The following L1CAM variants were observed in gnomAD, a reference collection of about 807,000 sequenced individuals.
L1CAM encodes neural cell adhesion molecule L1.
Under a neutral mutation model 93.0 loss-of-function variants are expected in L1CAM, and 8 were observed. The observed-to-expected ratio is 0.09, with a 90% CI of 0.05 to 0.16. The LOEUF (loss-of-function observed/expected upper bound fraction) is 0.16, where lower values mean the gene tolerates loss of function less well. Among genes scored for constraint, L1CAM ranks in the 10% least tolerant of loss-of-function variants. The pLI is 1.00. For synonymous variants in L1CAM, 453 were observed against 453.0 expected, an observed-to-expected ratio of 1.00 and a Z score of 0.00; for missense variants, 777 against 1,073.4, an observed-to-expected ratio of 0.72 and a Z score of 3.86.
intron 7 of L1CAM, 73 bp from the exon 8 acceptor site, chrX:153,870,572 G>C: frequency 5.4e-6 from 5 of 930,091 alleles, no homozygotes; most frequent in Non-Finnish European, 7.7e-6. Context: ...TGAGGGACTC[G>C]ACACTCCAGC....
In L1CAM at chrX:153,867,500, G is replaced by C. The variant is rs199592861; in HGVS notation, c.1993C>G (p.Leu665Val). 2.9e-4 allele frequency: 349 copies of C among 1,209,773 alleles called. No homozygotes were observed. The highest frequency in any genetic ancestry group is 4.6e-4 in the South Asian group (26 of 56,867). ...KEMAPEKWYS[L>V]GKVPGNQTST... is the part of the protein sequence containing the mutation. ...GTCTGGTTCCCTGGAACCTTGCCCA[G>C]ACTGTACCATTTTTCAGGCGCCATT... is the stretch of plus-strand genomic sequence containing the variant. The change falls in exon 17 of 29, where the codon CTG (leucine) becomes GTG (valine). Residue 665 changes from leucine to valine, a missense_variant. Physicochemically the swap from Leu to Val is conservative, Grantham distance 32. Transcript: ENST00000370060.
chrX:153,876,109 C>T (rs1557094534), intron 1 of L1CAM, 165 bp from the exon 2 acceptor site: 1 of 442,631 alleles, frequency 2.3e-6, no homozygotes, highest in Non-Finnish European at 3.9e-6. Context: ...CGCACCCCTC[C>T]CCACCTTGGA....
In L1CAM at chrX:153,868,927, C is replaced by A; in HGVS notation, c.1293G>T (p.Ala431=). Residue 431 remains alanine (A), a synonymous_variant, in exon 12 of 29, where the codon GCG becomes GCT. Transcript: ENST00000370060. ...VVQLPAKILT[A]DNQTYMAVQG... ...GGACAGCCATGTACGTCTGATTGTC[C>A]GCAGTCAGGATCTTGGCTGGCAGCT... The A allele has an allele frequency of 8.3e-7, 1 of 1,211,062 alleles. No individual in the cohort carries two copies. Among genetic ancestry groups the A allele is most frequent in the Non-Finnish European group, 1.1e-6 (1 of 894,679 alleles).
At chrX:153,885,313 C>CATGG (rs2064871868) in intron 1 of L1CAM, 1 of 805,157 alleles carries the variant, frequency 1.2e-6, no homozygotes, top group Non-Finnish European at 1.7e-6. Flanking sequence ...GGAGGCACAG[C>CATGG]AGTGGGTGCC....
intron 24 of L1CAM, 34 bp downstream of exon 24, chrX:153,864,551 C>T (rs1557090096): frequency 8.3e-7 from 1 of 1,207,180 alleles, no homozygotes; most frequent in Admixed American, 2.2e-5. Context: ...AGCCCCCTTC[C>T]CCACCACGCC....
chrX:153,886,015 G>A (rs1281505852), intron 1 of L1CAM, 50 bp downstream of exon 1: 1 of 490,475 alleles, frequency 2.0e-6, no homozygotes, highest in Admixed American at 1.5e-3. Context: ...GGTGTCGCCG[G>A]GGGATCGCGG....
At chrX:153,875,585 T>C (rs782480684) in intron 2 of L1CAM, 176 bp downstream of exon 2, 1 of 524,999 alleles carries the variant, frequency 1.9e-6, no homozygotes, top group East Asian at 3.6e-5. Flanking sequence ...CCTTCTACCC[T>C]GCCCTTCTCT....
chrX:153,861,676 T>A lies in L1CAM; in HGVS notation c.*987A>T, dbSNP rs1310869946. The A allele has an allele frequency of 9.0e-6, 1 of 110,866 alleles. No individual in the cohort carries two copies. Among genetic ancestry groups the A allele is most frequent in the Non-Finnish European group, 1.9e-5 (1 of 52,898 alleles). 9.1% of individuals were successfully genotyped at this position (110,866 alleles called of 1,213,427 possible). A position where few individuals can be genotyped will look rare whatever the true frequency, so the allele number is the denominator to read the frequency against. On this transcript the variant is annotated 3_prime_UTR_variant, in exon 29 of 29. Transcript: ENST00000370060. The stretch of plus-strand genomic sequence containing the variant: ...CTGGGAGAACCAATCTTTCCTTTTT[T>A]TTTGTCTGTTTTTATTTTTCCTGGG...
intron 1 of L1CAM, among the ~76,000 whole-genome samples, chrX:153,884,847 G>C (rs1202668949): frequency 8.8e-6 from 1 of 113,142 alleles, no homozygotes; most frequent in East Asian, 2.8e-4. Context: ...GCCCCCAGGG[G>C]AAGAAGGGCG....
chrX:153,880,577 C>T (rs936415320), intron 1 of L1CAM: 42 of 328,925 alleles, frequency 1.3e-4, no homozygotes, highest in African/African-American at 1.1e-3. Context: ...GGCTTCTGTG[C>T]CTGTTGGTGT....
At chrX:153,878,482 G>A (rs1192681539) in intron 1 of L1CAM, among the ~76,000 whole-genome samples, 1 of 112,888 alleles carries the variant, frequency 8.9e-6, no homozygotes, top group Non-Finnish European at 1.9e-5. Flanking sequence ...GAAGGGAAGA[G>A]CAACAGTGGA....
rs1465205361 is a variant in L1CAM at position 153,872,353 on chromosome X, A to G, written c.199T>C (p.Phe67Leu). Residue 67 changes from phenylalanine (F) to leucine (L), a missense_variant and splice_region_variant, in exon 5 of 29, where the codon TTC becomes CTC. Coordinates refer to ENST00000370060, the MANE Select transcript of L1CAM (RefSeq NM_001278116.2). Reference sequence around the variant, plus strand: ...TGGACACCATCCCTCGTCCAGCGGAACCTGTGGGCGGAAAAAGGCCCAGAG... The same window carrying G: ...TGGACACCATCCCTCGTCCAGCGGAGCCTGTGGGCGGAAAAAGGCCCAGAG... ...CEASGKPEVQ[F>L]RWTRDGVHFK... The G allele has an allele frequency of 8.3e-7, 1 of 1,204,805 alleles. No individual in the cohort carries two copies. Among genetic ancestry groups the G allele is most frequent in the Non-Finnish European group, 1.1e-6 (1 of 893,335 alleles).
At position 153,872,252 on chromosome X, in the gene L1CAM, G is replaced by C. The variant is rs1239375900; in HGVS notation, c.300C>G (p.Asn100Lys). ...GGAACCTCTGAGCAAAGTTGCTGTTGTTGCCCGTGATGGTGAAGGAGCCAG... is the reference window on the plus strand; with the variant it reads ...GGAACCTCTGAGCAAAGTTGCTGTTCTTGCCCGTGATGGTGAAGGAGCCAG... ...PHSGSFTITG[N>K]NSNFAQRFQG... Residue 100 changes from asparagine (N) to lysine (K), a missense_variant, in exon 5 of 29, where the codon AAC (asparagine) becomes AAG (lysine). Coordinates refer to ENST00000370060, the MANE Select transcript of L1CAM (RefSeq NM_001278116.2). 8.3e-7 allele frequency: 1 copy of C among 1,208,631 alleles called. No individual in the cohort carries two copies. Among genetic ancestry groups the C allele is most frequent in the African/African-American group, 1.7e-5 (1 of 57,187 alleles).
chrX:153,883,184 G>A (rs1215200887), intron 1 of L1CAM, among the ~76,000 whole-genome samples: 1 of 111,609 alleles, frequency 9.0e-6, no homozygotes, highest in African/African-American at 3.3e-5. Context: ...GGTGAGGCAG[G>A]GGCAGCTGGG....
intron 13 of L1CAM, 47 bp downstream of exon 13, chrX:153,868,514 C>T (rs782593537): frequency 2.5e-6 from 3 of 1,210,537 alleles, no homozygotes; most frequent in African/African-American, 3.5e-5. Context: ...AGGCCCAGAC[C>T]CTCCCTCCCA....
chrX:153,862,315 A>G lies in L1CAM; in HGVS notation c.*348T>C. 1 of 228,990 alleles carries G rather than the reference A, an allele frequency of 4.4e-6. No homozygotes were observed. The highest frequency in any genetic ancestry group is 7.9e-6 in the Non-Finnish European group (1 of 126,314). The allele number at this position is 228,990 out of a possible 1,213,427, so 18.9% of individuals were successfully genotyped here. ...ACCCTGGTCCTGAGGAGACCCCACC[A>G]TGTCTGCCCCCAGTCAGGGAGCAAG... On this transcript the variant is annotated 3_prime_UTR_variant, in exon 29 of 29. Coordinates refer to ENST00000370060, the MANE Select transcript of L1CAM (RefSeq NM_001278116.2).
At chrX:153,866,516 C>G in intron 19 of L1CAM, 133 bp downstream of exon 19, 3 of 466,072 alleles carry the variant, frequency 6.4e-6, no homozygotes, top group Non-Finnish European at 7.4e-6. Context: ...AATTTCATAA[C>G]GTCGCTCTGG....
intron 1 of L1CAM, among the ~76,000 whole-genome samples, chrX:153,881,273 C>T (rs1477165501): frequency 8.9e-6 from 1 of 112,011 alleles, no homozygotes; most frequent in African/African-American, 3.2e-5. Flanking sequence ...TGTCCAAGAT[C>T]ACAGAGCTGG....
At chrX:153,883,312 A>G (rs2064855980) in intron 1 of L1CAM, among the ~76,000 whole-genome samples, 1 of 110,487 alleles carries the variant, frequency 9.1e-6, no homozygotes, top group Non-Finnish European at 1.9e-5. Context: ...GCAGAGGCAG[A>G]GGGAGGAGAC....
Sources: gnomAD v4.1 joint callset for allele counts (sites outside exome capture counted in the v4.1 genomes callset) on GRCh38, gnomAD v4.1.1 for gene constraint, MANE v1.5 for transcripts, NCBI Gene and HGNC (gene_info 2026-07-23, HGNC 2026-07-21) for gene names.